Variants in NTRK3 observed in about 807,000 individuals in gnomAD.
The protein encoded by NTRK3 is NT-3 growth factor receptor.
Under a neutral mutation model 91.7 loss-of-function variants are expected in NTRK3, and 24 were observed. That is an observed-to-expected ratio of 0.26 (90% CI 0.19 to 0.37). The LOEUF (loss-of-function observed/expected upper bound fraction) is 0.37. Among genes scored for constraint, NTRK3 ranks in the 10% least tolerant of loss-of-function variants. The pLI is 1.00. For missense variants in NTRK3, 880 were observed against 1,068.9 expected (o/e 0.82, Z 2.46); for synonymous variants, 483 against 404.0 (o/e 1.20, Z -2.34).
chr15:87,885,361 T>C (rs2065477565), intron 17 of NTRK3, among the ~76,000 whole-genome samples: 1 of 151,852 alleles, frequency 6.6e-6, no homozygotes, highest in Non-Finnish European at 1.5e-5. Flanking sequence ...ACACAATATA[T>C]ATGAAAACCC....
chr15:87,874,776 C>A, exon 19 of NTRK3: 1 of 232,048 alleles, frequency 4.3e-6, no homozygotes, highest in East Asian at 6.1e-5. Context: ...CCAGAACTCA[C>A]AGCCCCGGCA....
chr15:87,952,820 C>A (rs2071270157), intron 14 of NTRK3, among the ~76,000 whole-genome samples: 1 of 152,112 alleles, frequency 6.6e-6, no homozygotes, highest in Non-Finnish European at 1.5e-5. Flanking sequence ...GGAGCCAGGG[C>A]TTCTGCCAGG....
At chr15:88,214,369 T>C (rs377234500) in intron 3 of NTRK3, among the ~76,000 whole-genome samples, 24 of 152,260 alleles carry the variant, frequency 1.6e-4, no homozygotes, top group East Asian at 5.8e-4. Context: ...CTCCAATCTC[T>C]ACTCCATCTT....
chr15:87,957,346 C>T lies in NTRK3; in HGVS notation c.1586-16593G>A, dbSNP rs1031824908. ...AAGAAGTACATTATTATGACGCCTA[C>T]AGTCCCACAGCGGGAGCATCTACAC... is the stretch of plus-strand genomic sequence containing the variant. On this transcript the variant is annotated intron_variant, in intron 14 of 18. Coordinates refer to ENST00000394480, the Ensembl canonical transcript of NTRK3. Among the ~76,000 whole-genome samples the T allele has an allele frequency of 2.0e-5, 3 of 150,542 alleles. 1 individual carries two copies. In the South Asian group the frequency reaches 6.3e-4, roughly 32 times the overall value.
intron 17 of NTRK3, among the ~76,000 whole-genome samples, chr15:87,895,054 A>G (rs1237436662): frequency 2.0e-5 from 3 of 152,156 alleles, no homozygotes; most frequent in African/African-American, 7.2e-5. Context: ...CAGCTCCTCA[A>G]ATCCAAGTTT....
intron 13 of NTRK3, among the ~76,000 whole-genome samples, chr15:88,061,297 G>C (rs975058004): frequency 6.6e-6 from 1 of 152,204 alleles, no homozygotes; most frequent in African/African-American, 2.4e-5. Context: ...GTACGGTCAA[G>C]TTTGAATGCT....
intron 17 of NTRK3, among the ~76,000 whole-genome samples, chr15:87,890,106 C>T (rs1029291016): frequency 2.6e-5 from 4 of 152,070 alleles, no homozygotes; most frequent in African/African-American, 9.7e-5. Context: ...ATCAGGAACA[C>T]TTGATGATAC....
chr15:88,109,670 C>T (rs1223671482), intron 13 of NTRK3, among the ~76,000 whole-genome samples: 1 of 152,162 alleles, frequency 6.6e-6, no homozygotes, highest in East Asian at 1.9e-4. Context: ...CCCAGGCTGA[C>T]AGCCTTAGCT....
chr15:87,955,907 G>A (rs2071607038), intron 14 of NTRK3, among the ~76,000 whole-genome samples: 1 of 152,132 alleles, frequency 6.6e-6, no homozygotes, highest in Non-Finnish European at 1.5e-5. Context: ...CTGGGCTAGG[G>A]TCTCCAGCAG....
chr15:88,117,134 A>C (rs1022654041), intron 13 of NTRK3, among the ~76,000 whole-genome samples: 2 of 152,202 alleles, frequency 1.3e-5, no homozygotes, highest in Non-Finnish European at 2.9e-5. Context: ...AAGTTATATA[A>C]TCTTATCAGA....
intron 3 of NTRK3, among the ~76,000 whole-genome samples, chr15:88,192,219 G>T (rs147623910): frequency 2.3e-3 from 343 of 152,298 alleles, no homozygotes; most frequent in South Asian, 0.018. Context: ...AACAGGAAAA[G>T]ATCAAGGGCA....
At chr15:88,130,505 C>G (rs978691765) in intron 10 of NTRK3, among the ~76,000 whole-genome samples, 6 of 152,118 alleles carry the variant, frequency 3.9e-5, no homozygotes, top group African/African-American at 1.4e-4. Flanking sequence ...AGAAACCTGG[C>G]AGACACCACC....
chr15:87,932,131 C>G (rs1046381803), intron 16 of NTRK3, among the ~76,000 whole-genome samples: 4 of 152,198 alleles, frequency 2.6e-5, no homozygotes, highest in East Asian at 1.9e-4. Flanking sequence ...GGGAAAGCCA[C>G]CCTTGAAACT....
chr15:88,116,815 T>G (rs1203852913), intron 13 of NTRK3, among the ~76,000 whole-genome samples: 1 of 152,228 alleles, frequency 6.6e-6, no homozygotes, highest in Non-Finnish European at 1.5e-5. Context: ...TATAGGATGG[T>G]GGTTCCTAAA....
chr15:88,057,952 A>G lies in NTRK3; in HGVS notation c.1397-24907T>C, dbSNP rs906462780. Among the ~76,000 whole-genome samples the G allele has an allele frequency of 5.9e-5, 9 of 152,360 alleles. No individual in the cohort carries two copies. The South Asian group carries it at 1.2e-3, about 21-fold the overall frequency. On this transcript the variant is annotated intron_variant, in intron 13 of 18. Coordinates refer to ENST00000394480, the Ensembl canonical transcript of NTRK3. ...TATGGGGCTGACACACCACTGACAC[A>G]GTGAATCACTTGCAAAGGAAAAGGG... is the stretch of plus-strand genomic sequence containing the variant.
At chr15:87,917,165 G>A (rs919479533) in intron 17 of NTRK3, among the ~76,000 whole-genome samples, 4 of 152,200 alleles carry the variant, frequency 2.6e-5, no homozygotes, top group African/African-American at 9.6e-5. Context: ...AAGGACATAG[G>A]ATGAAACATA....
chr15:88,232,210 C>T (rs1212605160), intron 3 of NTRK3, among the ~76,000 whole-genome samples: 2 of 152,184 alleles, frequency 1.3e-5, no homozygotes, highest in African/African-American at 2.4e-5. Flanking sequence ...CCTACCTGTA[C>T]AGCCAGGGAC....
chr15:88,165,480 C>T (rs1032442065), intron 5 of NTRK3, among the ~76,000 whole-genome samples: 1 of 152,130 alleles, frequency 6.6e-6, no homozygotes, highest in South Asian at 2.1e-4. Flanking sequence ...ACTTGCTAAT[C>T]ATTTTTCCTT....
chr15:88,036,500 C>G (rs1289416701), intron 13 of NTRK3, among the ~76,000 whole-genome samples: 1 of 152,064 alleles, frequency 6.6e-6, no homozygotes, highest in African/African-American at 2.4e-5. Context: ...CTTGCTTGTC[C>G]CCGTCTTAGC....
Sources: gnomAD v4.1 joint callset for allele counts (sites outside exome capture counted in the v4.1 genomes callset) on GRCh38, gnomAD v4.1.1 for gene constraint, MANE v1.5 for transcripts, NCBI Gene and HGNC (gene_info 2026-07-23, HGNC 2026-07-21) for gene names.